The following RMND5A variants were observed in gnomAD, a reference collection of about 807,000 sequenced individuals.
RMND5A encodes the protein required for meiotic nuclear division 5 homolog A, also known as E3 ubiquitin-protein transferase RMND5A.
In RMND5A, 17 loss-of-function variants were observed where a neutral mutation model predicts 49.7. That is an observed-to-expected ratio of 0.34 (90% CI 0.23 to 0.51). RMND5A has a LOEUF of 0.51. RMND5A is among the 20% of genes least tolerant of loss of function. The pLI, the probability that RMND5A is intolerant of heterozygous loss-of-function variation, is 0.96. For synonymous variants in RMND5A, 156 were observed against 167.7 expected (o/e 0.93, Z 0.54); for missense variants, 255 against 471.3 (o/e 0.54, Z 4.25).
chr2:86,758,457 C>G (rs896061752), intron 4 of RMND5A, among the ~76,000 whole-genome samples: 3 of 151,706 alleles, frequency 2.0e-5, no homozygotes. Context: ...TTTGTAGTTT[C>G]CGATATTTTG....
intron 2 of RMND5A, among the ~76,000 whole-genome samples, chr2:86,747,701 C>T (rs1384729622): frequency 6.6e-6 from 1 of 152,198 alleles, no homozygotes. Context: ...TGACCACTGT[C>T]TGCTCAGTCA....
rs1672582651 is a variant in RMND5A at position 86,765,863 on chromosome 2, T to C, written c.693T>C (p.Ile231=). ...TCTTGCTGGTGCTTTTTTTAGACAT[T>C]CAGGTTTTGATGGGAAGCCTTGTGT... is the stretch of plus-strand genomic sequence containing the variant. ...QPFALNHQKD[I]QVLMGSLVYL... Residue 231 remains isoleucine (I), a synonymous_variant, in exon 6 of 9, where the codon ATT becomes ATC. Coordinates refer to ENST00000283632, the MANE Select transcript of RMND5A (RefSeq NM_022780.4). 2 of 1,612,500 alleles carry C rather than the reference T, an allele frequency of 1.2e-6. No individual in the cohort carries two copies. Among genetic ancestry groups the C allele is most frequent in the Non-Finnish European group, 1.7e-6 (2 of 1,179,452 alleles).
At chr2:86,766,648 T>C (rs1672600486) in intron 6 of RMND5A, among the ~76,000 whole-genome samples, 2 of 123,280 alleles carry the variant, frequency 1.6e-5, no homozygotes, top group Non-Finnish European at 3.2e-5. Flanking sequence ...CGTGCAACAA[T>C]GCGAGACTGT....
At chr2:86,755,440 G>A (rs1681717315) in intron 4 of RMND5A, among the ~76,000 whole-genome samples, 1 of 152,200 alleles carries the variant, frequency 6.6e-6, no homozygotes, top group Admixed American at 6.5e-5. Flanking sequence ...ATACATATAT[G>A]AACATGTAAT....
In RMND5A at chr2:86,770,863, C is replaced by T. The variant is rs1672674638; in HGVS notation, c.958-695C>T. Among the ~76,000 whole-genome samples the T allele has an allele frequency of 2.0e-5, 3 of 152,190 alleles. 1 individual carries two copies. In the South Asian group the frequency reaches 6.2e-4, roughly 32 times the overall value. ...CATTGTATGTATGTTTCCACCAGGT[C>T]TCTGACAGGCACTGAGGCTCTGGCC... On this transcript the variant is annotated intron_variant, in intron 7 of 8. Coordinates refer to ENST00000283632, the MANE Select transcript of RMND5A (RefSeq NM_022780.4).
chr2:86,742,366 T>A (rs1040128457), intron 2 of RMND5A, among the ~76,000 whole-genome samples: 1 of 151,574 alleles, frequency 6.6e-6, no homozygotes, highest in East Asian at 2.0e-4. Flanking sequence ...TTGGGGAGAT[T>A]GTGAAATGGC....
intron 4 of RMND5A, among the ~76,000 whole-genome samples, chr2:86,764,441 T>C (rs188677246): frequency 1.3e-5 from 2 of 152,310 alleles, no homozygotes; most frequent in East Asian, 3.9e-4. Context: ...TAAAATTGAA[T>C]CTTGTTTTTT....
chr2:86,762,248 C>T (rs1360307382), intron 4 of RMND5A, among the ~76,000 whole-genome samples: 2 of 152,120 alleles, frequency 1.3e-5, no homozygotes, highest in Middle Eastern at 3.2e-3. Flanking sequence ...TGCCTTGTTC[C>T]GATTAGTCAT....
At chr2:86,760,742 G>A (rs1471170076) in intron 4 of RMND5A, among the ~76,000 whole-genome samples, 1 of 120,522 alleles carries the variant, frequency 8.3e-6, no homozygotes, top group Non-Finnish European at 1.7e-5. Context: ...AAGTGAAATT[G>A]AATGTGATTA....
chr2:86,763,643 G>A (rs1405342914), intron 4 of RMND5A, among the ~76,000 whole-genome samples: 3 of 152,164 alleles, frequency 2.0e-5, no homozygotes, highest in African/African-American at 7.2e-5. Flanking sequence ...AGGAATGGCA[G>A]CATACACCTG....
At position 86,771,641 on chromosome 2, in the gene RMND5A, TCCA is replaced by T; in HGVS notation, c.1044_1046del (p.Pro349del). 6.2e-7 allele frequency: 1 copy of T among 1,613,554 alleles called. No individual in the cohort carries two copies. Among genetic ancestry groups the T allele is most frequent in the Non-Finnish European group, 8.5e-7 (1 of 1,179,744 alleles). Reference sequence around the variant, plus strand: ...TTCGTCAGCAAACAACAGATAACAATCCACCCATGAAATTGGTCTGTGGTCATA... The same window carrying T: ...TTCGTCAGCAAACAACAGATAACAATCCCATGAAATTGGTCTGTGGTCATA... On this transcript the variant is annotated inframe_deletion, in exon 8 of 9. Transcript: ENST00000283632.
chr2:86,754,280 A>G (rs1470685053), intron 4 of RMND5A, among the ~76,000 whole-genome samples: 2 of 152,214 alleles, frequency 1.3e-5, no homozygotes, highest in East Asian at 3.8e-4. Context: ...GGCCTGTGCC[A>G]TAGTTTGCTG....
At chr2:86,769,847 A>T (rs1672660654) in intron 6 of RMND5A, among the ~76,000 whole-genome samples, 176 bp from the exon 7 acceptor site, 1 of 152,190 alleles carries the variant, frequency 6.6e-6, no homozygotes, top group Non-Finnish European at 1.5e-5. Context: ...GAGGGAAAAC[A>T]AGTTATTTCT....
intron 5 of RMND5A, 86 bp downstream of exon 5, chr2:86,765,279 C>G (rs1672571285): frequency 1.7e-6 from 2 of 1,170,678 alleles, no homozygotes; most frequent in Non-Finnish European, 2.4e-6. Flanking sequence ...AGAGCTAATA[C>G]CTGTTTGCCA....
chr2:86,758,487 T>A (rs1313855094), intron 4 of RMND5A, among the ~76,000 whole-genome samples: 1 of 152,190 alleles, frequency 6.6e-6, no homozygotes, highest in Non-Finnish European at 1.5e-5. Context: ...TGATGCAGCA[T>A]TGAATATCCG....
intron 4 of RMND5A, among the ~76,000 whole-genome samples, chr2:86,762,639 T>C (rs1051368937): frequency 4.2e-4 from 28 of 66,652 alleles, no homozygotes; most frequent in African/African-American, 2.0e-3. Context: ...AGTGAAACTC[T>C]GTCTCAAAAA....
In RMND5A at chr2:86,775,744, C is replaced by G. The variant is rs894083701; in HGVS notation, c.*2333C>G. The G allele has an allele frequency of 2.0e-5, 3 of 152,194 alleles. No homozygotes were observed. The highest frequency in any genetic ancestry group is 4.4e-5 in the Non-Finnish European group (3 of 68,042). The allele number at this position is 152,194 out of a possible 1,614,324, so 9.4% of individuals were successfully genotyped here. ...CTGACATATTATATGGAAATTATAT[C>G]TTGTGACCGTCTTCAAGTGCATGGA... On this transcript the variant is annotated 3_prime_UTR_variant, in exon 9 of 9. Transcript: ENST00000283632.
At chr2:86,721,585 T>C (rs906374648) in intron 1 of RMND5A, among the ~76,000 whole-genome samples, 2 of 151,956 alleles carry the variant, frequency 1.3e-5, no homozygotes, top group African/African-American at 4.8e-5. Flanking sequence ...TAAATTTTCC[T>C]ATAGAAGGTG....
rs913168964 is a variant in RMND5A, at chr2:86,766,564, C to T, written c.854+540C>T. ...CTTTAATCCCAGCTAGTCGGGAAGC[C>T]GAGGCAGAAGAATCGCTTGAACCCA... On this transcript the variant is annotated intron_variant, in intron 6 of 8. Transcript: ENST00000283632. Among the ~76,000 whole-genome samples, 30 of 148,820 alleles carry T rather than the reference C, an allele frequency of 2.0e-4. 1 individual carries two copies. The highest frequency in any genetic ancestry group is 1.4e-3 in the Admixed American group (21 of 14,620).
Sources: allele counts gnomAD v4.1 joint callset (sites outside exome capture counted in the v4.1 genomes callset), GRCh38; gene constraint gnomAD v4.1.1; transcripts MANE v1.5; gene names NCBI Gene and HGNC (gene_info 2026-07-23, HGNC 2026-07-21).